EBF1: variants seen among roughly 807,000 people sequenced by gnomAD.
The protein encoded by EBF1 is EBF transcription factor 1, also known as transcription factor COE1.
In EBF1, 10 loss-of-function variants were observed where a neutral mutation model predicts 68.4. The ratio of observed to expected loss-of-function variants is 0.15; its 90% CI spans 0.09 to 0.25. EBF1 has a LOEUF of 0.25. Ranked by LOEUF, EBF1 falls within the 10% of genes least tolerant of loss-of-function variation. EBF1 has a pLI of 1.00. For synonymous variants in EBF1, 298 were observed against 299.8 expected, an observed-to-expected ratio of 0.99 and a Z score of 0.06; for missense variants, 509 against 794.4, an observed-to-expected ratio of 0.64 and a Z score of 4.32.
intron 10 of EBF1, 150 bp downstream of exon 10, chr5:158,777,263 T>C: frequency 3.4e-6 from 3 of 876,206 alleles, no homozygotes; most frequent in Non-Finnish European, 4.7e-6. Context: ...AAAAGCACCA[T>C]GTTTGGTCAT....
rs1350776523 is a variant in EBF1 at position 158,696,196 on chromosome 5, C to CCAA, written c.*2912_*2914dup. The CCAA allele has an allele frequency of 4.6e-6, 1 of 217,136 alleles. No homozygotes were observed. Among genetic ancestry groups the CCAA allele is most frequent in the African/African-American group, 2.3e-5 (1 of 44,402 alleles). The allele number at this position is 217,136 out of a possible 1,614,324, so 13.5% of individuals were successfully genotyped here. A position where few individuals can be genotyped will look rare whatever the true frequency, so the allele number is the denominator to read the frequency against. On this transcript the variant is annotated 3_prime_UTR_variant, in exon 16 of 16. Coordinates refer to ENST00000313708, the MANE Select transcript of EBF1 (RefSeq NM_024007.5). Reference sequence around the variant, plus strand: ...TCATCCAGAAGCTGTATTTTTTCCCCCAACACTGAAATCTTAATTTAATTC... The same window carrying CCAA: ...TCATCCAGAAGCTGTATTTTTTCCCCCAACAACACTGAAATCTTAATTTAATTC...
chr5:159,034,810 T>C (rs1287292226), intron 6 of EBF1, among the ~76,000 whole-genome samples: 1 of 152,132 alleles, frequency 6.6e-6, no homozygotes, highest in Non-Finnish European at 1.5e-5. Flanking sequence ...AGACTCATGA[T>C]GGAGCTCCAG....
intron 6 of EBF1, among the ~76,000 whole-genome samples, chr5:159,059,486 T>C (rs184890809): frequency 3.7e-4 from 56 of 152,338 alleles, no homozygotes; most frequent in African/African-American, 1.3e-3. Flanking sequence ...ACATACTGTC[T>C]GAGAATTCTC....
At chr5:158,811,539 A>G (rs1368815112) in intron 8 of EBF1, among the ~76,000 whole-genome samples, 6 of 152,208 alleles carry the variant, frequency 3.9e-5, no homozygotes, top group Non-Finnish European at 7.3e-5. Flanking sequence ...GTGTTTAGTA[A>G]AACTAATAAT....
chr5:158,861,220 A>C (rs1794907451), intron 6 of EBF1, among the ~76,000 whole-genome samples: 1 of 152,178 alleles, frequency 6.6e-6, no homozygotes, highest in African/African-American at 2.4e-5. Context: ...AAGGAACTGG[A>C]AGGTGAAGAG....
At chr5:158,871,439 A>G (rs1214816547) in intron 6 of EBF1, among the ~76,000 whole-genome samples, 2 of 152,256 alleles carry the variant, frequency 1.3e-5, no homozygotes, top group Non-Finnish European at 2.9e-5. Flanking sequence ...TGTTGCTATT[A>G]GGAATATTTA....
At chr5:159,071,401 A>T (rs2127937012) in intron 6 of EBF1, among the ~76,000 whole-genome samples, 1 of 152,326 alleles carries the variant, frequency 6.6e-6, no homozygotes, top group Admixed American at 6.5e-5. Flanking sequence ...CATGAGTAAT[A>T]TCCCCAAAGC....
At chr5:159,027,417 G>C (rs1034028934) in intron 6 of EBF1, among the ~76,000 whole-genome samples, 2 of 152,094 alleles carry the variant, frequency 1.3e-5, no homozygotes, top group African/African-American at 4.8e-5. Context: ...ACCAGGTTAG[G>C]CTGCCCTAAC....
rs972825083 is a variant in EBF1 at position 159,073,556 on chromosome 5, A to G, written c.486-92T>C. 5.8e-6 allele frequency: 8 copies of G among 1,388,584 alleles called. No homozygotes were observed. The African/African-American group carries it at 8.5e-5, about 15-fold the overall frequency. The allele number at this position is 1,388,584 out of a possible 1,614,324, so 86.0% of individuals were successfully genotyped here. On this transcript the variant is annotated intron_variant, in intron 5 of 15. Transcript: ENST00000313708. ...GAAGGCTCAAATTGCTGGGTTGCAA[A>G]TGCTAGAATTACCACAAAGCCATAC...
chr5:158,866,586 A>G (rs1795898047), intron 6 of EBF1, among the ~76,000 whole-genome samples: 1 of 151,958 alleles, frequency 6.6e-6, no homozygotes, highest in African/African-American at 2.4e-5. Context: ...AACAATTCAA[A>G]GCCCGAAACC....
chr5:158,877,620 C>T (rs528779264), intron 6 of EBF1, among the ~76,000 whole-genome samples: 2 of 152,090 alleles, frequency 1.3e-5, no homozygotes, highest in Non-Finnish European at 2.9e-5. Flanking sequence ...TATTTCATTC[C>T]TGTTAGGCTG....
intron 9 of EBF1, among the ~76,000 whole-genome samples, chr5:158,792,642 A>G (rs71593312): frequency 6.6e-6 from 1 of 152,224 alleles, no homozygotes; most frequent in Non-Finnish European, 1.5e-5. Flanking sequence ...TCTACTTAAA[A>G]TTAGAAGGCC....
intron 6 of EBF1, among the ~76,000 whole-genome samples, chr5:158,878,737 G>A (rs920056545): frequency 2.7e-5 from 4 of 149,802 alleles, no homozygotes; most frequent in South Asian, 2.2e-4. Flanking sequence ...TCCGCCTCCC[G>A]GGTTCAAGTG....
chr5:158,865,421 G>A (rs180737350), intron 6 of EBF1, among the ~76,000 whole-genome samples: 1 of 152,230 alleles, frequency 6.6e-6, no homozygotes, highest in African/African-American at 2.4e-5. Flanking sequence ...GAGAACTATA[G>A]TATCTACCTT....
chr5:158,955,033 GAAGT>G lies in EBF1; in HGVS notation c.555-114927_555-114924del, dbSNP rs1483725799. ...ATCCTCAGGGGAAAAAAATTACAGAGAAGTAATTGGGCCGGGCGCAGTGGCTCAC... is the reference window on the plus strand; with the variant it reads ...ATCCTCAGGGGAAAAAAATTACAGAGAATTGGGCCGGGCGCAGTGGCTCAC... On this transcript the variant is annotated intron_variant, in intron 6 of 15. Transcript: ENST00000313708. 2.0e-5 allele frequency among the ~76,000 whole-genome samples: 3 copies of G among 152,174 alleles called. No individual in the cohort carries two copies. The South Asian group carries it at 6.2e-4, about 32-fold the overall frequency.
chr5:158,821,976 A>T (rs1360437407), intron 8 of EBF1, among the ~76,000 whole-genome samples: 2 of 152,214 alleles, frequency 1.3e-5, no homozygotes, highest in African/African-American at 4.8e-5. Context: ...AGCACAGGGG[A>T]AAAAGCCAGG....
At position 159,053,589 on chromosome 5, in the gene EBF1, CCT is replaced by C. The variant is rs749364237; in HGVS notation, c.554+19805_554+19806del. Among the ~76,000 whole-genome samples, 209 of 147,382 alleles carry C rather than the reference CCT, an allele frequency of 1.4e-3. 1 individual carries two copies. The Middle Eastern group carries it at 0.018, about 13-fold the overall frequency. On this transcript the variant is annotated intron_variant, in intron 6 of 15. Coordinates refer to ENST00000313708, the MANE Select transcript of EBF1 (RefSeq NM_024007.5). ...CATTGGGTATTTTAACCCCTCTCTCCCTCTCTCTCTCTCTCTCACACACACAC... is the reference window on the plus strand; with the variant it reads ...CATTGGGTATTTTAACCCCTCTCTCCCTCTCTCTCTCTCTCACACACACAC...
intron 6 of EBF1, among the ~76,000 whole-genome samples, chr5:158,933,833 C>G (rs775867682): frequency 3.3e-5 from 5 of 152,190 alleles, no homozygotes; most frequent in Non-Finnish European, 7.4e-5. Context: ...TCTGCTCACA[C>G]CCCAAAACAA....
chr5:158,698,968 T>G lies in EBF1; in HGVS notation c.*143A>C, dbSNP rs1756197120. The G allele has an allele frequency of 7.4e-6, 5 of 675,048 alleles. No homozygotes were observed. 41.8% of individuals were successfully genotyped at this position (675,048 alleles called of 1,614,324 possible). A position where few individuals can be genotyped will look rare whatever the true frequency, so the allele number is the denominator to read the frequency against. On this transcript the variant is annotated 3_prime_UTR_variant, in exon 16 of 16. Coordinates refer to ENST00000313708, the MANE Select transcript of EBF1 (RefSeq NM_024007.5). ...ATTTCAGTATTTGCAAGGTCGGTGA[T>G]TTTGTTTGTTTAAAAATCTGCAGTT... is the stretch of plus-strand genomic sequence containing the variant.
Sources: allele counts gnomAD v4.1 joint callset (sites outside exome capture counted in the v4.1 genomes callset), GRCh38; gene constraint gnomAD v4.1.1; transcripts MANE v1.5; gene names NCBI Gene and HGNC (gene_info 2026-07-23, HGNC 2026-07-21).